SGPL1: variants seen among roughly 807,000 people sequenced by gnomAD.
SGPL1 encodes the protein SP-lyase 1.
A neutral mutation model predicts 68.9 loss-of-function variants in SGPL1; 37 were observed. The observed-to-expected ratio is 0.54, with a 90% CI of 0.41 to 0.71. SGPL1 has a LOEUF of 0.71. Ranked by LOEUF, SGPL1 falls within the 30% of genes least tolerant of loss-of-function variation. The pLI, the probability that SGPL1 is intolerant of heterozygous loss-of-function variation, is 0.00. For synonymous variants in SGPL1, 236 were observed against 248.5 expected (o/e 0.95, Z 0.47); for missense variants, 551 against 704.6 (o/e 0.78, Z 2.47).
At chr10:70,824,666 A>G (rs1845400224) in intron 2 of SGPL1, among the ~76,000 whole-genome samples, 1 of 152,210 alleles carries the variant, frequency 6.6e-6, no homozygotes, top group Non-Finnish European at 1.5e-5. Flanking sequence ...TAGCAATCCA[A>G]AACATTCAAA....
chr10:70,829,796 G>A (rs1285512121), intron 2 of SGPL1, among the ~76,000 whole-genome samples: 1 of 152,170 alleles, frequency 6.6e-6, no homozygotes, highest in African/African-American at 2.4e-5. Context: ...CTCAGAGTCC[G>A]CAAGAGTAGT....
At chr10:70,855,111 A>G (rs1845943518) in intron 5 of SGPL1, among the ~76,000 whole-genome samples, 1 of 152,254 alleles carries the variant, frequency 6.6e-6, no homozygotes, top group Admixed American at 6.5e-5. Context: ...TAAAACAAAT[A>G]TATTTGTGTT....
At chr10:70,842,092 T>G (rs778127179) in intron 2 of SGPL1, among the ~76,000 whole-genome samples, 1 of 152,202 alleles carries the variant, frequency 6.6e-6, no homozygotes, top group Admixed American at 6.5e-5. Context: ...ACGTAGTTCA[T>G]GTAGATCTGT....
chr10:70,851,332 AC>A (rs1484329491), intron 4 of SGPL1, 122 bp downstream of exon 4: 19 of 804,014 alleles, frequency 2.4e-5, no homozygotes, highest in Non-Finnish European at 3.5e-5. Flanking sequence ...TCCAGGGGAC[AC>A]TTGGCAGCAT....
intron 5 of SGPL1, chr10:70,857,372 A>T (rs1184092919): frequency 9.7e-6 from 4 of 414,378 alleles, no homozygotes; most frequent in Non-Finnish European, 1.3e-5. Context: ...GATTGCCTTT[A>T]TTGTAGCTAA....
chr10:70,868,331 CTTCT>C lies in SGPL1; in HGVS notation c.616-11_616-8del. ...CTGACTCCCCCAACAGATGGCATCT[CTTCT>C]TTATTATAGGTGACTTCTGGGGGAA... On this transcript the variant is annotated splice_polypyrimidine_tract_variant and intron_variant, in intron 7 of 14. Transcript: ENST00000373202. 1.3e-6 allele frequency: 2 copies of C among 1,590,004 alleles called. No individual in the cohort carries two copies. Among genetic ancestry groups the C allele is most frequent in the Non-Finnish European group, 1.7e-6 (2 of 1,164,780 alleles).
At chr10:70,876,496 TTTTC>T (rs754842230) in intron 13 of SGPL1, 41 bp from the exon 14 acceptor site, 1 of 1,561,422 alleles carries the variant, frequency 6.4e-7, no homozygotes, top group Non-Finnish European at 8.7e-7. Context: ...TTAGAACATT[TTTTC>T]TTTCTTCAAG....
At chr10:70,861,878 C>G (rs1846064974) in intron 7 of SGPL1, among the ~76,000 whole-genome samples, 1 of 152,368 alleles carries the variant, frequency 6.6e-6, no homozygotes, top group African/African-American at 2.4e-5. Context: ...CTGCCTTCCC[C>G]TGGGGCAGGG....
chr10:70,848,838 T>C (rs1845833218), intron 3 of SGPL1, among the ~76,000 whole-genome samples: 1 of 152,166 alleles, frequency 6.6e-6, no homozygotes, highest in Non-Finnish European at 1.5e-5. Context: ...CACATTTTTA[T>C]TTACTATGTC....
rs147542269 is a variant in SGPL1 at position 70,863,066 on chromosome 10, C to T, written c.615+3567C>T. On this transcript the variant is annotated intron_variant, in intron 7 of 14. Transcript: ENST00000373202. ...GTGGTGCCATCTCAGCTCACTGCAG[C>T]CTTGACCTCTCTGGGCTCAAGCGAC... 2.2e-3 allele frequency among the ~76,000 whole-genome samples: 340 copies of T among 152,260 alleles called. 1 individual carries two copies. Among genetic ancestry groups the T allele is most frequent in the African/African-American group, 8.0e-3 (331 of 41,546 alleles).
intron 3 of SGPL1, among the ~76,000 whole-genome samples, chr10:70,846,216 G>T (rs1304004628): frequency 6.6e-6 from 1 of 152,010 alleles, no homozygotes; most frequent in African/African-American, 2.4e-5. Flanking sequence ...TAGACTGGCC[G>T]GCCCTTCCGC....
At chr10:70,838,433 GTTTAGTA>G (rs1845663197) in intron 2 of SGPL1, among the ~76,000 whole-genome samples, 1 of 152,188 alleles carries the variant, frequency 6.6e-6, no homozygotes, top group Non-Finnish European at 1.5e-5. Flanking sequence ...GATTAAAAGA[GTTTAGTA>G]TCATTGGGGA....
intron 14 of SGPL1, 102 bp from the exon 15 acceptor site, chr10:70,877,093 C>A (rs1188819537): frequency 7.0e-6 from 8 of 1,143,222 alleles, no homozygotes; most frequent in Non-Finnish European, 1.0e-5. Context: ...GGGCAGTGCA[C>A]ATGCGAAGCT....
rs553731829 is a variant in SGPL1, at chr10:70,842,913, G to A, written c.28-1560G>A. ...TTGTATTCAGTATAAATTGTGTGCCGGGCACTCTGCCACATGTTGGGGATT... is the reference window on the plus strand; with the variant it reads ...TTGTATTCAGTATAAATTGTGTGCCAGGCACTCTGCCACATGTTGGGGATT... On this transcript the variant is annotated intron_variant, in intron 2 of 14. Transcript: ENST00000373202. 2.8e-3 allele frequency among the ~76,000 whole-genome samples: 421 copies of A among 152,276 alleles called. 1 individual carries two copies. The highest frequency in any genetic ancestry group is 9.6e-3 in the African/African-American group (397 of 41,554).
intron 14 of SGPL1, 132 bp from the exon 15 acceptor site, chr10:70,877,063 C>T: frequency 1.3e-6 from 1 of 782,110 alleles, no homozygotes; most frequent in Non-Finnish European, 2.1e-6. Context: ...TGATGGGATG[C>T]CTTAGGTGGA....
chr10:70,852,854 T>G (rs1454614126), intron 4 of SGPL1, among the ~76,000 whole-genome samples: 1 of 152,184 alleles, frequency 6.6e-6, no homozygotes, highest in Non-Finnish European at 1.5e-5. Context: ...ACCAAATCCT[T>G]CCTCTCATGG....
At chr10:70,858,376 G>A (rs1225772642) in intron 6 of SGPL1, among the ~76,000 whole-genome samples, 2 of 152,110 alleles carry the variant, frequency 1.3e-5, no homozygotes, top group East Asian at 3.9e-4. Flanking sequence ...AGCCTCAAGT[G>A]ATCCTCCTGC....
chr10:70,847,065 T>C (rs1216950969), intron 3 of SGPL1, among the ~76,000 whole-genome samples: 4 of 152,136 alleles, frequency 2.6e-5, no homozygotes, highest in Non-Finnish European at 5.9e-5. Flanking sequence ...CATGAGAAAA[T>C]TGTTAGTCGT....
intron 2 of SGPL1, among the ~76,000 whole-genome samples, chr10:70,822,344 G>A (rs1483727737): frequency 6.6e-6 from 1 of 152,200 alleles, no homozygotes; most frequent in East Asian, 1.9e-4. Context: ...AAGGAAAAGA[G>A]GGTTATAAAC....
Sources: gnomAD v4.1 joint callset for allele counts (sites outside exome capture counted in the v4.1 genomes callset) on GRCh38, gnomAD v4.1.1 for gene constraint, MANE v1.5 for transcripts, NCBI Gene and HGNC (gene_info 2026-07-23, HGNC 2026-07-21) for gene names.